Variants in ZNF534 observed in about 807,000 individuals in gnomAD.
ZNF534 encodes KRAB domain only 3.
Under a neutral mutation model 13.6 loss-of-function variants are expected in ZNF534, and 19 were observed. The ratio of observed to expected loss-of-function variants is 1.40; its 90% CI spans 0.97 to 2.05. ZNF534 has a LOEUF of 2.05. Among genes scored for constraint, ZNF534 ranks in the 30% most tolerant of loss-of-function variants. ZNF534 has a pLI of 0.00. For missense variants in ZNF534, 782 were observed against 796.3 expected (o/e 0.98, Z 0.22); for synonymous variants, 244 against 273.8 (o/e 0.89, Z 1.07).
chr19:52,438,745 CT>C lies in ZNF534; in HGVS notation c.1287del (p.Leu430Ter), dbSNP rs749690078. ...AACGTGTTCAGATCTCACTGCCCAT[CT>C]TCTAATCCATACTGGAGAGAAACCT... ...FRTCSDLTAH[L>X]LIHTGEKPYE... On this transcript the variant is annotated frameshift_variant, in exon 5 of 5. Transcript: ENST00000433050. LOFTEE classifies it low-confidence loss of function (END_TRUNC). 5 of 1,598,796 alleles carry C rather than the reference CT, an allele frequency of 3.1e-6. No homozygotes were observed. The highest frequency in any genetic ancestry group is 3.4e-6 in the Non-Finnish European group (4 of 1,172,026).
rs558270113 is a variant in ZNF534 at position 52,450,580 on chromosome 19, A to T, written c.272-607A>T. On this transcript the variant is annotated intron_variant, in intron 4 of 4. Transcript: ENST00000301085. ...TTACTTTCTAGTATATTTTGAAGTC[A>T]GGTAGTGTAATACCCCTCAGTTTGG... 4.6e-5 allele frequency among the ~76,000 whole-genome samples: 7 copies of T among 151,442 alleles called. No homozygotes were observed. The South Asian group carries it at 1.5e-3, about 32-fold the overall frequency.
At chr19:52,451,398 T>C in exon 5 of ZNF534, 2 of 783,164 alleles carry the variant, frequency 2.6e-6, no homozygotes, top group Non-Finnish European at 2.2e-6. Context: ...GCCACGGGAC[T>C]CTCAGGGCCG....
At chr19:52,447,365 ATTTC>A (rs1364332234), downstream of ZNF534, among the ~76,000 whole-genome samples, 1 of 152,052 alleles carries the variant, frequency 6.6e-6, no homozygotes, top group Non-Finnish European at 1.5e-5. Context: ...ATTTGTTTTT[ATTTC>A]TTTATTTCAC....
chr19:52,431,448 C>T lies in ZNF534; in HGVS notation c.-27C>T, dbSNP rs770187919. The T allele has an allele frequency of 1.1e-5, 17 of 1,613,464 alleles. No homozygotes were observed. The highest frequency in any genetic ancestry group is 3.3e-5 in the Admixed American group (2 of 59,944). On this transcript the variant is annotated 5_prime_UTR_variant, in exon 2 of 5. Coordinates refer to ENST00000433050, the MANE Select transcript of ZNF534 (RefSeq NM_001143938.3). ...AGACATATTATGCAAGGAAGCAACT[C>T]GGAAGAGGAAAGAAAGGAAGTCAGG... is the stretch of plus-strand genomic sequence containing the variant.
chr19:52,444,238 A>AGAGCT (rs780590504), downstream of ZNF534, among the ~76,000 whole-genome samples: 25 of 152,050 alleles, frequency 1.6e-4, no homozygotes, highest in Non-Finnish European at 3.4e-4. Context: ...TGGCTTCCTG[A>AGAGCT]GAGCTGAGCT....
In ZNF534 at chr19:52,438,337, A is replaced by G; in HGVS notation, c.877A>G (p.Thr293Ala). 1.2e-6 allele frequency: 2 copies of G among 1,613,374 alleles called. No individual in the cohort carries two copies. Among genetic ancestry groups the G allele is most frequent in the South Asian group, 2.2e-5 (2 of 91,046 alleles). ...AYLAQHRKIHTGEKPYKCSEC... is the reference protein window; with the variant it reads ...AYLAQHRKIHAGEKPYKCSEC... ...CCTTGCACAGCATAGGAAAATTCAT[A>G]CTGGAGAGAAGCCTTACAAATGTAG... The change falls in exon 5 of 5, where the codon ACT (threonine) becomes GCT (alanine). Residue 293 changes from threonine to alanine, a missense_variant. Thr to Ala is a moderately conservative substitution (Grantham distance 58). This residue lies in a region of ZNF534 where 591 missense variants were observed against 574.0 expected (regional missense o/e 1.03). Coordinates refer to ENST00000433050, the MANE Select transcript of ZNF534 (RefSeq NM_001143938.3).
At chr19:52,434,344 A>G (rs1054609235) in intron 3 of ZNF534, among the ~76,000 whole-genome samples, 2 of 151,336 alleles carry the variant, frequency 1.3e-5, no homozygotes, top group Admixed American at 1.3e-4. Context: ...GGGTGCCTGT[A>G]GTCCCAGCTA....
chr19:52,445,597 A>G (rs1438882461), downstream of ZNF534, among the ~76,000 whole-genome samples: 2 of 152,152 alleles, frequency 1.3e-5, no homozygotes, highest in Admixed American at 6.5e-5. Context: ...TTGGCAGACA[A>G]TCTTCCTTTC....
At chr19:52,445,196 AATT>A (rs1439141391), downstream of ZNF534, among the ~76,000 whole-genome samples, 3,343 of 40,440 alleles carry the variant, frequency 0.083, 90 homozygotes, top group African/African-American at 0.19. Flanking sequence ...TCACTCAGCT[AATT>A]TTTTTTTTTT....
rs746393663 is a variant in ZNF534, at chr19:52,451,185, A to C, written c.272-2A>C. The C allele has an allele frequency of 1.5e-6, 1 of 680,468 alleles. No individual in the cohort carries two copies. The highest frequency in any genetic ancestry group is 2.7e-6 in the Non-Finnish European group (1 of 369,664). 42.2% of individuals were successfully genotyped at this position (680,468 alleles called of 1,614,324 possible). On this transcript the variant is annotated splice_acceptor_variant, in intron 4 of 4. Coordinates refer to the ZNF534 transcript ENST00000301085. LOFTEE classifies it high-confidence loss of function. ...TCACTGTTTATAATTTTCTACCCAT[A>C]GATTTTTCACTTCTGGCCTGGGACG... is the stretch of plus-strand genomic sequence containing the variant.
intron 1 of ZNF534, among the ~76,000 whole-genome samples, chr19:52,429,990 A>G (rs561276846): frequency 6.7e-6 from 1 of 150,360 alleles, no homozygotes; most frequent in Non-Finnish European, 1.5e-5. Context: ...CTCCAGGCAC[A>G]TGAGTATTGA....
chr19:52,439,363 AG>A lies in ZNF534; in HGVS notation c.1904del (p.Ser635IlefsTer15). ...TATTCATACTGGAGTGAAGCCTTAC[AG>A]TTGTAATGAATGTGGCAAGGTCTTT... ...RNIHTGVKPY[S>X]CNECGKVFSK... On this transcript the variant is annotated frameshift_variant, in exon 5 of 5. Coordinates refer to ENST00000433050, the MANE Select transcript of ZNF534 (RefSeq NM_001143938.3). LOFTEE classifies it low-confidence loss of function (END_TRUNC). 3.2e-6 allele frequency: 5 copies of A among 1,552,468 alleles called. No homozygotes were observed. The highest frequency in any genetic ancestry group is 4.4e-6 in the Non-Finnish European group (5 of 1,147,312).
intron 4 of ZNF534, among the ~76,000 whole-genome samples, chr19:52,448,097 C>G (rs1170699441): frequency 2.0e-5 from 3 of 152,060 alleles, no homozygotes; most frequent in African/African-American, 7.2e-5. Context: ...GTCTGAGCAA[C>G]ATAGCGTGAC....
At chr19:52,448,833 C>T (rs1156998871) in intron 4 of ZNF534, among the ~76,000 whole-genome samples, 1 of 152,058 alleles carries the variant, frequency 6.6e-6, no homozygotes, top group East Asian at 1.9e-4. Flanking sequence ...TTTAAATATC[C>T]ATCACCTCAA....
intron 4 of ZNF534, among the ~76,000 whole-genome samples, chr19:52,449,583 C>T (rs774989460): frequency 9.9e-5 from 15 of 152,062 alleles, no homozygotes; most frequent in Non-Finnish European, 1.9e-4. Flanking sequence ...ACTGAGATGA[C>T]ATTATATCTC....
At chr19:52,444,399 A>G (rs1268335258), downstream of ZNF534, among the ~76,000 whole-genome samples, 2 of 152,236 alleles carry the variant, frequency 1.3e-5, no homozygotes, top group East Asian at 3.9e-4. Flanking sequence ...GCTCCAGTGT[A>G]GGTGGCAGGG....
chr19:52,438,928 G>A lies in ZNF534; in HGVS notation c.1468G>A (p.Gly490Arg), dbSNP rs1395443857. The part of the protein sequence containing the change: ...NLQRHRKIHT[G>R]EKLYKCNECG... ...TCAACGACATAGGAAAATTCATACT[G>A]GAGAGAAGCTTTACAAATGTAATGA... Residue 490 changes from glycine to arginine, a missense_variant, in exon 5 of 5, where the codon GGA (glycine) becomes AGA (arginine). This residue lies in a region of ZNF534 where 591 missense variants were observed against 574.0 expected (regional missense o/e 1.03). Transcript: ENST00000433050. 2 of 1,593,720 alleles carry A rather than the reference G, an allele frequency of 1.3e-6. No homozygotes were observed. Among genetic ancestry groups the A allele is most frequent in the African/African-American group, 2.7e-5 (2 of 74,156 alleles).
downstream of ZNF534, among the ~76,000 whole-genome samples, chr19:52,443,438 C>T (rs2059183528): frequency 6.6e-6 from 1 of 152,102 alleles, no homozygotes; most frequent in Non-Finnish European, 1.5e-5. Flanking sequence ...TTCTTGGAGA[C>T]TTTGTTCATA....
chr19:52,444,140 G>A (rs2122718561), downstream of ZNF534, among the ~76,000 whole-genome samples: 1 of 152,202 alleles, frequency 6.6e-6, no homozygotes, highest in Admixed American at 6.5e-5. Flanking sequence ...CTGTCAGAGG[G>A]CAGGTCTAGG....
Sources: allele counts gnomAD v4.1 joint callset (sites outside exome capture counted in the v4.1 genomes callset), GRCh38; gene constraint gnomAD v4.1.1; regional missense constraint gnomAD v4.1.1; transcripts MANE v1.5; gene names NCBI Gene and HGNC (gene_info 2026-07-23, HGNC 2026-07-21).